Variants in GRIK2 observed in about 807,000 individuals in gnomAD.
The protein encoded by GRIK2 is glutamate ionotropic receptor kainate type subunit 2.
In GRIK2, 32 loss-of-function variants were observed where a neutral mutation model predicts 100.3. That is an observed-to-expected ratio of 0.32 (90% confidence interval 0.24 to 0.43). The LOEUF (loss-of-function observed/expected upper bound fraction) is 0.43. GRIK2 is among the 20% of genes least tolerant of loss of function. The pLI is 1.00. For synonymous variants in GRIK2, 417 were observed against 389.4 expected (o/e 1.07, Z -0.83); for missense variants, 843 against 1,114.9 (o/e 0.76, Z 3.47).
chr6:101,435,839 C>T (rs1036836906), intron 2 of GRIK2, among the ~76,000 whole-genome samples: 7 of 151,974 alleles, frequency 4.6e-5, no homozygotes, highest in Non-Finnish European at 1.5e-5. Flanking sequence ...ATCATTTTTT[C>T]AGGACTTGGA....
chr6:101,498,924 T>C lies in GRIK2; in HGVS notation c.115+99532T>C, dbSNP rs974195480. On this transcript the variant is annotated intron_variant, in intron 2 of 16. Transcript: ENST00000369134. ...TTTGTTGCCATTGCTTTTGGTGTTTTAGACCTGAAGTCCTTGCCCATGCCT... is the reference window on the plus strand; with the variant it reads ...TTTGTTGCCATTGCTTTTGGTGTTTCAGACCTGAAGTCCTTGCCCATGCCT... 5.9e-5 allele frequency among the ~76,000 whole-genome samples: 9 copies of C among 152,308 alleles called. No individual in the cohort carries two copies. In the South Asian group the frequency reaches 1.0e-3, roughly 18 times the overall value.
intron 14 of GRIK2, among the ~76,000 whole-genome samples, chr6:101,982,009 A>G (rs1793740485): frequency 6.6e-6 from 1 of 151,894 alleles, no homozygotes. Flanking sequence ...TATAAAAAAC[A>G]AACACTTTTT....
intron 14 of GRIK2, among the ~76,000 whole-genome samples, chr6:102,021,494 C>T (rs898392406): frequency 2.0e-5 from 3 of 151,380 alleles, no homozygotes; most frequent in African/African-American, 7.3e-5. Flanking sequence ...ATATTTAATA[C>T]TGTTTTCACT....
chr6:101,476,099 C>T (rs541391017), intron 2 of GRIK2, among the ~76,000 whole-genome samples: 2 of 151,980 alleles, frequency 1.3e-5, no homozygotes, highest in African/African-American at 4.8e-5. Flanking sequence ...AGAATGTTGT[C>T]CCATCTTTTT....
At chr6:101,621,471 A>G (rs1451558049) in intron 2 of GRIK2, among the ~76,000 whole-genome samples, 1 of 152,086 alleles carries the variant, frequency 6.6e-6, no homozygotes, top group East Asian at 1.9e-4. Flanking sequence ...AAAATTGTTT[A>G]AAAGAATTTT....
intron 7 of GRIK2, among the ~76,000 whole-genome samples, chr6:101,785,329 C>T (rs1161720690): frequency 6.6e-6 from 1 of 151,902 alleles, no homozygotes; most frequent in Non-Finnish European, 1.5e-5. Flanking sequence ...CTTTTTGTGT[C>T]CCATATGTCT....
chr6:101,702,904 T>TGATA (rs2128353665), intron 7 of GRIK2, among the ~76,000 whole-genome samples: 1 of 151,992 alleles, frequency 6.6e-6, no homozygotes, highest in African/African-American at 2.4e-5. Context: ...CCCAGCACAC[T>TGATA]GATAGGTTGC....
chr6:101,686,088 CT>C, intron 6 of GRIK2, 91 bp from the exon 7 acceptor site: 2 of 969,920 alleles, frequency 2.1e-6, no homozygotes, highest in Non-Finnish European at 3.1e-6. Context: ...GTTAAGTGAC[CT>C]AAAAAAAACA....
At chr6:101,788,515 C>T (rs985847291) in intron 7 of GRIK2, among the ~76,000 whole-genome samples, 20 of 152,192 alleles carry the variant, frequency 1.3e-4, no homozygotes, top group African/African-American at 4.8e-4. Flanking sequence ...CAATTTCATC[C>T]ATGTCCCTAC....
chr6:101,537,553 T>A (rs1246466206), intron 2 of GRIK2, among the ~76,000 whole-genome samples: 1 of 151,468 alleles, frequency 6.6e-6, no homozygotes, highest in Non-Finnish European at 1.5e-5. Flanking sequence ...TATTTATCTA[T>A]GTTCCAGTGT....
At chr6:102,064,174 A>AC (rs1771888366) in intron 16 of GRIK2, 1 of 533,320 alleles carries the variant, frequency 1.9e-6, no homozygotes, top group African/African-American at 2.0e-5. Context: ...GTGGGTTTCC[A>AC]CCCCTAAATA....
At chr6:101,706,574 T>C (rs1439509745) in intron 7 of GRIK2, among the ~76,000 whole-genome samples, 2 of 151,926 alleles carry the variant, frequency 1.3e-5, no homozygotes, top group African/African-American at 4.8e-5. Context: ...GATATGCCTG[T>C]GAAAGATAAA....
At chr6:102,018,872 T>C (rs1330223927) in intron 14 of GRIK2, among the ~76,000 whole-genome samples, 1 of 152,080 alleles carries the variant, frequency 6.6e-6, no homozygotes, top group Admixed American at 6.6e-5. Context: ...TGTTTAATGA[T>C]TGTAGTAAGA....
At chr6:101,497,346 C>T (rs1031600769) in intron 2 of GRIK2, among the ~76,000 whole-genome samples, 10 of 152,274 alleles carry the variant, frequency 6.6e-5, no homozygotes, top group East Asian at 1.9e-4. Flanking sequence ...GTGTTTAATA[C>T]GTGCCATAGT....
chr6:101,464,795 C>T (rs1186069536), intron 2 of GRIK2, among the ~76,000 whole-genome samples: 2 of 152,138 alleles, frequency 1.3e-5, no homozygotes, highest in Non-Finnish European at 1.5e-5. Context: ...GCTGGGAATA[C>T]AGGCGTGAGC....
intron 7 of GRIK2, among the ~76,000 whole-genome samples, chr6:101,736,913 A>T (rs1308742109): frequency 1.3e-5 from 2 of 151,698 alleles, no homozygotes; most frequent in Admixed American, 1.3e-4. Context: ...CACCCCAGTC[A>T]CCTCTTGAAT....
intron 14 of GRIK2, among the ~76,000 whole-genome samples, chr6:102,008,062 C>T (rs941221291): frequency 1.3e-5 from 2 of 151,822 alleles, no homozygotes; most frequent in Non-Finnish European, 2.9e-5. Context: ...ACAACAACAA[C>T]AAAATTTTAA....
At position 101,722,583 on chromosome 6, in the gene GRIK2, T is replaced by A. The variant is rs191343315; in HGVS notation, c.951+36230T>A. 9.2e-5 allele frequency among the ~76,000 whole-genome samples: 14 copies of A among 152,202 alleles called. No individual in the cohort carries two copies. The East Asian group carries it at 2.5e-3, about 27-fold the overall frequency. ...CACAAGATTAGTGATTCAAACTACA[T>A]TTTAGTTCCATTTTATAAGGCTTCA... On this transcript the variant is annotated intron_variant, in intron 7 of 16. Coordinates refer to ENST00000369134, the MANE Select transcript of GRIK2 (RefSeq NM_021956.5).
intron 2 of GRIK2, among the ~76,000 whole-genome samples, chr6:101,536,460 G>T (rs903849340): frequency 6.6e-6 from 1 of 151,560 alleles, no homozygotes; most frequent in South Asian, 2.1e-4. Flanking sequence ...ATAAGGGGTA[G>T]GACCACACAA....
Sources: gnomAD v4.1 joint callset for allele counts (sites outside exome capture counted in the v4.1 genomes callset) on GRCh38, gnomAD v4.1.1 for gene constraint, MANE v1.5 for transcripts, NCBI Gene and HGNC (gene_info 2026-07-23, HGNC 2026-07-21) for gene names.